The following MALAT1 variants were observed in gnomAD, a reference collection of about 807,000 sequenced individuals.
MALAT1 encodes metastasis associated lung adenocarcinoma transcript 1.
chr11:65,497,937 G>C (rs767020126), intron 1 of MALAT1: 1 of 518,908 alleles, frequency 1.9e-6, no homozygotes, highest in Non-Finnish European at 3.8e-6. Context: ...GAGTTGTGCT[G>C]CTATCTTAGC....
At chr11:65,501,213 G>T (rs751486943) in exon 3 of MALAT1, 9 of 443,290 alleles carry the variant, frequency 2.0e-5, no homozygotes, top group African/African-American at 7.9e-5. Flanking sequence ...AGGCGGGGGG[G>T]AGTTTTCAGT....
chr11:65,504,308 C>CTTT, intron 3 of MALAT1: 2 of 464,896 alleles, frequency 4.3e-6, no homozygotes, highest in Non-Finnish European at 8.3e-6. Context: ...CTTGTTGTAG[C>CTTT]TTTTTTTTTT....
exon 3 of MALAT1, chr11:65,503,362 C>T (rs575918879): frequency 5.8e-6 from 3 of 518,866 alleles, no homozygotes; most frequent in South Asian, 2.8e-5. Context: ...AGGACTTGTT[C>T]CTGTGGGCTT....
exon 3 of MALAT1, chr11:65,498,996 A>T (rs765379987): frequency 1.5e-5 from 8 of 518,772 alleles, no homozygotes; most frequent in Non-Finnish European, 2.3e-5. Context: ...AATTCCGGTG[A>T]TGCGAGTTGT....
chr11:65,500,197 T>C (rs775475410), exon 3 of MALAT1: 4 of 510,030 alleles, frequency 7.8e-6, no homozygotes, highest in Non-Finnish European at 1.6e-5. Flanking sequence ...TAAAAAAAAC[T>C]AAGGCAGAAG....
chr11:65,502,763 T>C (rs1144797), exon 3 of MALAT1: 1 of 516,106 alleles, frequency 1.9e-6, no homozygotes, highest in African/African-American at 1.9e-5. Context: ...ATACCTCCAT[T>C]GGGGAATAAG....
chr11:65,504,335 A>T, intron 3 of MALAT1: 1 of 512,996 alleles, frequency 1.9e-6, no homozygotes, highest in Non-Finnish European at 3.9e-6. Context: ...GACTTCACAG[A>T]GAATGCAGTT....
intron 3 of MALAT1, chr11:65,504,561 T>C (rs751728104): frequency 3.9e-6 from 2 of 518,872 alleles, no homozygotes; most frequent in Non-Finnish European, 7.7e-6. Context: ...GTATTTGTGA[T>C]TGAAGCTGAG....
exon 3 of MALAT1, chr11:65,499,074 C>T (rs372580170): frequency 1.0e-4 from 52 of 518,180 alleles, no homozygotes; most frequent in Non-Finnish European, 1.6e-4. Context: ...GCAGGGGCTT[C>T]TGCTGAGGGG....
At chr11:65,505,208 G>A (rs370181065) in intron 3 of MALAT1, 4 of 518,456 alleles carry the variant, frequency 7.7e-6, no homozygotes, top group East Asian at 5.4e-5. Flanking sequence ...TAAAGGCACC[G>A]AAGGCTTAAA....
intron 3 of MALAT1, chr11:65,504,761 T>C (rs565506832): frequency 3.1e-5 from 16 of 519,052 alleles, no homozygotes; most frequent in South Asian, 2.2e-4. Flanking sequence ...TGATCTTTAG[T>C]GCATTGTTTA....
At chr11:65,499,195 G>A (rs768539685) in exon 3 of MALAT1, 2 of 504,524 alleles carry the variant, frequency 4.0e-6, no homozygotes. Flanking sequence ...ATTGCTTAGC[G>A]TTAAGTTTTT....
chr11:65,499,001 A>T (rs566057955), exon 3 of MALAT1: 1 of 518,726 alleles, frequency 1.9e-6, no homozygotes, highest in Non-Finnish European at 3.8e-6. Flanking sequence ...CGGTGATGCG[A>T]GTTGTTCTCC....
chr11:65,499,318 C>T (rs1590700210), exon 3 of MALAT1: 2 of 507,584 alleles, frequency 3.9e-6, no homozygotes, highest in African/African-American at 1.9e-5. Flanking sequence ...TGAGATGAAG[C>T]TTCTTCATGG....
exon 3 of MALAT1, chr11:65,499,010 C>T (rs376520805): frequency 2.7e-5 from 14 of 518,856 alleles, no homozygotes; most frequent in East Asian, 1.1e-4. Flanking sequence ...GAGTTGTTCT[C>T]CGTCTATAAA....
exon 3 of MALAT1, chr11:65,500,340 T>C (rs1854516242): frequency 1.9e-6 from 1 of 518,542 alleles, no homozygotes; most frequent in African/African-American, 1.9e-5. Context: ...TGCATTGGAC[T>C]TTGAGTTAAG....
chr11:65,504,769 T>G (rs938229671), intron 3 of MALAT1: 1 of 518,926 alleles, frequency 1.9e-6, no homozygotes, highest in African/African-American at 1.9e-5. Context: ...AGTGCATTGT[T>G]TATGTGTGGG....
intron 3 of MALAT1, chr11:65,504,753 ATCT>A (rs1854640519): frequency 1.9e-6 from 1 of 518,862 alleles, no homozygotes; most frequent in African/African-American, 1.9e-5. Context: ...CAGTTCAGTG[ATCT>A]TTAGTGCATT....
At chr11:65,502,132 TG>T in exon 3 of MALAT1, 1 of 516,500 alleles carries the variant, frequency 1.9e-6, no homozygotes, top group Admixed American at 2.0e-5. Context: ...AATTTGATAC[TG>T]TATCTGTTTT....
Sources: allele counts gnomAD v4.1 joint callset, GRCh38; gene constraint gnomAD v4.1.1; transcripts MANE v1.5; gene names NCBI Gene and HGNC (gene_info 2026-07-23, HGNC 2026-07-21).